CWC27: variants seen among roughly 807,000 people sequenced by gnomAD.
The protein encoded by CWC27 is CWC27 spliceosome associated cyclophilin.
CWC27 carries 47 observed loss-of-function variants against 63.6 expected under a neutral mutation model. That is an observed-to-expected ratio of 0.74 (90% CI 0.58 to 0.94). CWC27 has a LOEUF of 0.94. Ranked by LOEUF, CWC27 falls within the 40% of genes least tolerant of loss-of-function variation. The probability of loss-of-function intolerance (pLI) is 0.00; values close to 1 mark genes in which losing one functional copy is unlikely to be tolerated. For missense variants in CWC27, 495 were observed against 554.3 expected (o/e 0.89, Z 1.07); for synonymous variants, 175 against 179.8 (o/e 0.97, Z 0.22).
intron 11 of CWC27, among the ~76,000 whole-genome samples, chr5:64,916,477 C>T (rs1346373203): frequency 1.3e-5 from 2 of 152,078 alleles, no homozygotes; most frequent in African/African-American, 2.4e-5. Context: ...ACTTAGGTAA[C>T]ACACAAAATG....
rs561025558 is a variant in CWC27 at position 64,814,984 on chromosome 5, C to T, written c.938+10598C>T. Among the ~76,000 whole-genome samples the T allele has an allele frequency of 1.7e-3, 265 of 151,868 alleles. 1 individual carries two copies. The highest frequency in any genetic ancestry group is 2.8e-3 in the Non-Finnish European group (191 of 67,936). On this transcript the variant is annotated intron_variant, in intron 10 of 13. Transcript: ENST00000381070. ...ACCTGAAGGTATATTTCAAATATAC[C>T]AAAGGTATATTCCAGATGACTCCTA...
chr5:64,837,859 T>C (rs958875694), intron 10 of CWC27, among the ~76,000 whole-genome samples: 1 of 152,140 alleles, frequency 6.6e-6, no homozygotes, highest in Non-Finnish European at 1.5e-5. Context: ...AAACTTTTCA[T>C]AGTATTTCCT....
chr5:64,800,302 C>G lies in CWC27; in HGVS notation c.724C>G (p.Leu242Val). The change falls in exon 8 of 14, where the codon CTC becomes GTC. Residue 242 changes from leucine (L) to valine (V), a missense_variant. Around this residue, in one of 3 missense-constraint regions of CWC27, gnomAD observed 463 missense variants for 498.1 expected, o/e 0.93. Coordinates refer to ENST00000381070, the MANE Select transcript of CWC27 (RefSeq NM_005869.4). ...SHDLLKDDPHLSSVPVVESEK... is the reference protein window; with the variant it reads ...SHDLLKDDPHVSSVPVVESEK... Reference sequence around the variant, plus strand: ...TGACTTGCTTAAGGATGATCCACATCTCAGTTCTGTTCCAGTTGTAGAAAG... The same window carrying G: ...TGACTTGCTTAAGGATGATCCACATGTCAGTTCTGTTCCAGTTGTAGAAAG... 6.2e-7 allele frequency: 1 copy of G among 1,611,402 alleles called. No individual in the cohort carries two copies. The highest frequency in any genetic ancestry group is 2.2e-5 in the East Asian group (1 of 44,712).
At chr5:64,994,070 T>C (rs1225058945) in intron 13 of CWC27, among the ~76,000 whole-genome samples, 1 of 152,220 alleles carries the variant, frequency 6.6e-6, no homozygotes, top group Non-Finnish European at 1.5e-5. Flanking sequence ...ATAATTATCA[T>C]AGTGAATTTT....
intron 10 of CWC27, among the ~76,000 whole-genome samples, chr5:64,851,392 G>A (rs577176601): frequency 6.6e-6 from 1 of 152,296 alleles, no homozygotes; most frequent in Admixed American, 6.5e-5. Flanking sequence ...AGAAGCTGGA[G>A]GGGTGGGAGG....
chr5:64,851,899 G>A (rs1746141888), intron 10 of CWC27, among the ~76,000 whole-genome samples: 3 of 151,996 alleles, frequency 2.0e-5, no homozygotes, highest in Admixed American at 1.3e-4. Flanking sequence ...TATCTCACTC[G>A]TTTTCTTTTG....
At chr5:65,007,976 C>A (rs1300339725) in intron 13 of CWC27, among the ~76,000 whole-genome samples, 1 of 152,134 alleles carries the variant, frequency 6.6e-6, no homozygotes, top group Non-Finnish European at 1.5e-5. Flanking sequence ...GCTGTCCCAC[C>A]CTTATGACCT....
At chr5:64,798,799 T>A (rs914287972) in intron 7 of CWC27, among the ~76,000 whole-genome samples, 1 of 152,214 alleles carries the variant, frequency 6.6e-6, no homozygotes, top group Non-Finnish European at 1.5e-5. Context: ...TTAGTTAACA[T>A]ACTTTGTAAT....
chr5:64,873,046 A>C (rs953895806), intron 10 of CWC27, among the ~76,000 whole-genome samples: 1 of 152,162 alleles, frequency 6.6e-6, no homozygotes, highest in Non-Finnish European at 1.5e-5. Flanking sequence ...AATGATGCCT[A>C]CTCAGTATAA....
intron 7 of CWC27, among the ~76,000 whole-genome samples, chr5:64,790,618 G>C (rs1461824340): frequency 1.3e-5 from 2 of 151,930 alleles, no homozygotes; most frequent in African/African-American, 4.8e-5. Flanking sequence ...TCCTTAAAGT[G>C]TTTTTCCTTT....
chr5:64,834,909 A>G (rs374435678), intron 10 of CWC27, among the ~76,000 whole-genome samples: 1 of 151,840 alleles, frequency 6.6e-6, no homozygotes, highest in East Asian at 1.9e-4. Flanking sequence ...AGAGTTTGCA[A>G]TTCTGGGAGT....
chr5:64,933,151 G>A (rs1014721310), intron 11 of CWC27, among the ~76,000 whole-genome samples: 2 of 152,270 alleles, frequency 1.3e-5, no homozygotes, highest in Admixed American at 1.3e-4. Flanking sequence ...TTTTCAGATG[G>A]TGCTGATACT....
chr5:64,977,331 T>A, intron 13 of CWC27, 93 bp downstream of exon 13: 1 of 839,780 alleles, frequency 1.2e-6, no homozygotes, highest in Non-Finnish European at 1.8e-6. Flanking sequence ...TCCTTTTGTT[T>A]TCAGAGTTTA....
chr5:64,838,234 T>C (rs1745708754), intron 10 of CWC27, among the ~76,000 whole-genome samples: 2 of 152,156 alleles, frequency 1.3e-5, no homozygotes, highest in African/African-American at 4.8e-5. Context: ...CATGTGTGCT[T>C]TTAGCTTTAT....
intron 11 of CWC27, among the ~76,000 whole-genome samples, chr5:64,896,567 CTG>C (rs1254396434): frequency 1.3e-5 from 2 of 151,180 alleles, no homozygotes; most frequent in African/African-American, 2.4e-5. Context: ...ACAAGATAAA[CTG>C]TGGTTTTTAA....
At chr5:65,008,452 T>C (rs1015953576) in intron 13 of CWC27, among the ~76,000 whole-genome samples, 1 of 152,214 alleles carries the variant, frequency 6.6e-6, no homozygotes, top group African/African-American at 2.4e-5. Flanking sequence ...AGAAATGAAG[T>C]TGGGACAGTG....
intron 13 of CWC27, among the ~76,000 whole-genome samples, chr5:65,016,465 A>G (rs979414050): frequency 1.3e-5 from 2 of 152,104 alleles, no homozygotes. Flanking sequence ...GCAAGATCTC[A>G]TCTCAAAAAT....
At chr5:64,792,193 C>T (rs991194300) in intron 7 of CWC27, among the ~76,000 whole-genome samples, 2 of 152,082 alleles carry the variant, frequency 1.3e-5, no homozygotes, top group African/African-American at 4.8e-5. Context: ...GTTAAACTTT[C>T]CTGGTGATAA....
chr5:64,979,969 A>G (rs967426982), intron 13 of CWC27, among the ~76,000 whole-genome samples: 3 of 150,958 alleles, frequency 2.0e-5, no homozygotes, highest in Non-Finnish European at 3.0e-5. Flanking sequence ...TTTATGTAAA[A>G]AAAAAAAAAA....
Sources: allele counts gnomAD v4.1 joint callset (sites outside exome capture counted in the v4.1 genomes callset), GRCh38; gene constraint gnomAD v4.1.1; regional missense constraint gnomAD v4.1.1; transcripts MANE v1.5; gene names NCBI Gene and HGNC (gene_info 2026-07-23, HGNC 2026-07-21).